The following CDH20 variants were observed in gnomAD, a reference collection of about 807,000 sequenced individuals.
CDH20 encodes cadherin-20.
Under a neutral mutation model 74.2 loss-of-function variants are expected in CDH20, and 29 were observed. The ratio of observed to expected loss-of-function variants is 0.39; its 90% CI spans 0.29 to 0.53. The LOEUF (loss-of-function observed/expected upper bound fraction) is 0.53, where lower values mean the gene tolerates loss of function less well. CDH20 is among the 20% of genes least tolerant of loss of function. CDH20 has a pLI of 0.69. For synonymous variants in CDH20, 469 were observed against 405.4 expected (o/e 1.16, Z -1.88); for missense variants, 988 against 1,048.3 (o/e 0.94, Z 0.79).
chr18:61,381,804 C>T (rs1911440831), intron 1 of CDH20, among the ~76,000 whole-genome samples: 1 of 152,218 alleles, frequency 6.6e-6, no homozygotes, highest in Non-Finnish European at 1.5e-5. Context: ...TCTTCTTGAA[C>T]ATCCCACAAG....
At position 61,443,537 on chromosome 18, in the gene CDH20, C is replaced by T. The variant is rs367993085; in HGVS notation, c.-152-46865C>T. ...AGATGTACAGTCTATGCTCCAGAGC[C>T]GTGCTACTCAGAGTGTGGCCCTCGG... On this transcript the variant is annotated intron_variant, in intron 1 of 11. Transcript: ENST00000262717. 5.3e-5 allele frequency among the ~76,000 whole-genome samples: 8 copies of T among 152,094 alleles called. No individual in the cohort carries two copies. In the South Asian group the frequency reaches 8.3e-4, roughly 16 times the overall value.
intron 1 of CDH20, among the ~76,000 whole-genome samples, chr18:61,395,544 T>C (rs1464087792): frequency 6.6e-6 from 1 of 152,172 alleles, no homozygotes; most frequent in East Asian, 1.9e-4. Context: ...TCACATCATC[T>C]GAACCACTGA....
intron 11 of CDH20, among the ~76,000 whole-genome samples, chr18:61,551,713 A>C (rs1252049897): frequency 6.6e-6 from 1 of 152,174 alleles, no homozygotes; most frequent in Non-Finnish European, 1.5e-5. Flanking sequence ...TGGCATTGGG[A>C]GTCCTTTAGC....
At chr18:61,462,277 C>T (rs2144360552) in intron 1 of CDH20, among the ~76,000 whole-genome samples, 1 of 152,236 alleles carries the variant, frequency 6.6e-6, no homozygotes, top group East Asian at 1.9e-4. Context: ...ATCAAAACAT[C>T]ACCTTGTACC....
intron 1 of CDH20, among the ~76,000 whole-genome samples, chr18:61,448,519 G>A (rs1209206113): frequency 6.6e-6 from 1 of 152,198 alleles, no homozygotes; most frequent in South Asian, 2.1e-4. Context: ...TTCAGGAAGT[G>A]CGACTGTGGC....
chr18:61,353,542 T>C lies in CDH20; in HGVS notation c.-153+19715T>C, dbSNP rs62098063. ...GTAATTGTATAGACACAGCTTTACTTGCTTTTGAATATCCGACAGTGTGTA... is the reference window on the plus strand; with the variant it reads ...GTAATTGTATAGACACAGCTTTACTCGCTTTTGAATATCCGACAGTGTGTA... On this transcript the variant is annotated intron_variant, in intron 1 of 11. Coordinates refer to ENST00000262717, the MANE Select transcript of CDH20 (RefSeq NM_031891.4). The surrounding 1 kb of genome is among the most constrained non-coding windows in gnomAD (Gnocchi z 4.6). 0.21 allele frequency among the ~76,000 whole-genome samples: 32,587 copies of C among 152,228 alleles called. 3,564 individuals carry two copies. The highest frequency in any genetic ancestry group is 0.24 in the Non-Finnish European group (16,385 of 68,010).
chr18:61,533,430 G>A (rs910793093), intron 7 of CDH20, among the ~76,000 whole-genome samples: 3 of 152,212 alleles, frequency 2.0e-5, no homozygotes, highest in African/African-American at 7.2e-5. Flanking sequence ...TAAGTACATA[G>A]TAAAGTGCCT....
chr18:61,504,800 C>T (rs577985314), intron 5 of CDH20, among the ~76,000 whole-genome samples: 1 of 152,050 alleles, frequency 6.6e-6, no homozygotes, highest in Non-Finnish European at 1.5e-5. Flanking sequence ...GCTAACCTTC[C>T]CTTGTATCTA....
chr18:61,478,689 AG>A (rs1326802355), intron 1 of CDH20, among the ~76,000 whole-genome samples: 2 of 152,220 alleles, frequency 1.3e-5, no homozygotes, highest in Non-Finnish European at 2.9e-5. Flanking sequence ...CTTTAACCCC[AG>A]TTAACCAACT....
At chr18:61,486,677 T>C (rs1327567999) in intron 1 of CDH20, among the ~76,000 whole-genome samples, 4 of 152,158 alleles carry the variant, frequency 2.6e-5, no homozygotes, top group African/African-American at 9.7e-5. Context: ...TAAGCAAAAA[T>C]GATAGCTTAA....
chr18:61,492,209 C>T (rs1353115195), intron 2 of CDH20, among the ~76,000 whole-genome samples: 2 of 152,064 alleles, frequency 1.3e-5, no homozygotes, highest in African/African-American at 2.4e-5. Flanking sequence ...TTCCTAAAAC[C>T]AGAGAACTGG....
Position 61,538,584 on chromosome 18 carries a change from G to GTTTTTTTTTTT in CDH20, c.1409-437_1409-436insTTTTTTTTTTT, listed in dbSNP as rs1568182044. On this transcript the variant is annotated intron_variant, in intron 8 of 11. Coordinates refer to ENST00000262717, the MANE Select transcript of CDH20 (RefSeq NM_031891.4). Reference sequence around the variant, plus strand: ...CTCACCAAGTAAATAACTACTTTTTGTTTGTTTGTTTGTTTTTGTTTTTGT... The same window carrying GTTTTTTTTTTT: ...CTCACCAAGTAAATAACTACTTTTTGTTTTTTTTTTTTTTGTTTGTTTGTTTTTGTTTTTGT... Among the ~76,000 whole-genome samples, 173 of 55,804 alleles carry GTTTTTTTTTTT rather than the reference G, an allele frequency of 3.1e-3. 16 individuals carry two copies. The highest frequency in any genetic ancestry group is 4.0e-3 in the Non-Finnish European group (113 of 28,590). The allele number at this position is 55,804 out of a possible 152,430, so 36.6% of individuals were successfully genotyped here.
chr18:61,506,402 G>T (rs590036), intron 5 of CDH20, among the ~76,000 whole-genome samples: 7,209 of 152,262 alleles, frequency 0.047, 245 homozygotes, highest in African/African-American at 0.09. Flanking sequence ...CTGTGAGCTG[G>T]CTGGGTGCTG....
intron 6 of CDH20, among the ~76,000 whole-genome samples, chr18:61,514,788 G>C (rs1038591735): frequency 6.6e-6 from 1 of 152,066 alleles, no homozygotes; most frequent in African/African-American, 2.4e-5. Context: ...CTCTGCTGGG[G>C]GGTGCCTCCC....
At chr18:61,543,909 G>A (rs1194025852) in intron 9 of CDH20, among the ~76,000 whole-genome samples, 3 of 152,290 alleles carry the variant, frequency 2.0e-5, no homozygotes, top group East Asian at 1.9e-4. Context: ...AGAAAATATG[G>A]GGTCAAGCAG....
intron 1 of CDH20, among the ~76,000 whole-genome samples, chr18:61,376,223 C>T (rs1911225213): frequency 6.6e-6 from 1 of 151,970 alleles, no homozygotes; most frequent in African/African-American, 2.4e-5. Flanking sequence ...ACTAAAATCA[C>T]TTAAGGCAGC....
intron 1 of CDH20, among the ~76,000 whole-genome samples, chr18:61,347,531 C>A (rs923947049): frequency 6.7e-6 from 1 of 148,398 alleles, no homozygotes; most frequent in Non-Finnish European, 1.5e-5. Flanking sequence ...GGGAAAAAAA[C>A]AAACAAACAA....
intron 7 of CDH20, among the ~76,000 whole-genome samples, chr18:61,533,590 CTGT>C (rs537691816): frequency 2.0e-5 from 3 of 152,176 alleles, no homozygotes; most frequent in Non-Finnish European, 4.4e-5. Context: ...TCTCTTCACT[CTGT>C]TGTTTCCTTT....
At chr18:61,536,383 C>T (rs1282837227) in intron 7 of CDH20, 110 bp from the exon 8 acceptor site, 2 of 826,800 alleles carry the variant, frequency 2.4e-6, no homozygotes, top group Admixed American at 4.5e-5. Flanking sequence ...AGCCATAACT[C>T]AGAAGTGGTG....
Sources: gnomAD v4.1 joint callset for allele counts (sites outside exome capture counted in the v4.1 genomes callset) on GRCh38, gnomAD v4.1.1 for gene constraint, Gnocchi (gnomAD v3.1) non-coding constraint, MANE v1.5 for transcripts, NCBI Gene and HGNC (gene_info 2026-07-23, HGNC 2026-07-21) for gene names.